GLYR1: variants seen among roughly 807,000 people sequenced by gnomAD.
The protein encoded by GLYR1 is glyoxylate reductase 1 homolog, also known as cytokine-like nuclear factor N-PAC.
GLYR1 carries 21 observed loss-of-function variants against 72.7 expected under a neutral mutation model. That is an observed-to-expected ratio of 0.29 (90% CI 0.20 to 0.42). The LOEUF is 0.42. Among genes scored for constraint, GLYR1 ranks in the 10% least tolerant of loss-of-function variants. The pLI is 1.00. For missense variants in GLYR1, 594 were observed against 712.1 expected, an observed-to-expected ratio of 0.83 and a Z score of 1.89; for synonymous variants, 392 against 270.2, an observed-to-expected ratio of 1.45 and a Z score of -4.42.
chr16:4,846,888 A>C, intron 1 of GLYR1: 2 of 362,470 alleles, frequency 5.5e-6, no homozygotes. Context: ...GCTTTCTGGG[A>C]AGCCCCAACA....
chr16:4,815,723 G>A (rs2083594797), intron 10 of GLYR1, among the ~76,000 whole-genome samples: 1 of 152,030 alleles, frequency 6.6e-6, no homozygotes, highest in Admixed American at 6.6e-5. Context: ...ACAAATAAGT[G>A]CCCATAAATA....
intron 3 of GLYR1, 58 bp from the exon 4 acceptor site, chr16:4,832,970 C>T: frequency 6.7e-7 from 1 of 1,482,458 alleles, no homozygotes; most frequent in Non-Finnish European, 9.1e-7. Flanking sequence ...CCTAAAGTAT[C>T]AACAACCTCA....
chr16:4,833,112 A>G, intron 3 of GLYR1, 200 bp from the exon 4 acceptor site: 2 of 441,892 alleles, frequency 4.5e-6, no homozygotes, highest in South Asian at 1.0e-4. Context: ...CAAGTCAAGC[A>G]GAACAACCAT....
rs760825256 is a variant in GLYR1 at position 4,817,645 on chromosome 16, G to T, written c.859C>A (p.Leu287Ile). 1.2e-6 allele frequency: 2 copies of T among 1,613,600 alleles called. No homozygotes were observed. The change falls in exon 10 of 16, where the codon CTA becomes ATA. Residue 287 changes from leucine (L) to isoleucine (I), a missense_variant. Transcript: ENST00000321919. Reference sequence around the variant, plus strand: ...ACAGTCACTGTGTGACCCATTTTTAGCAAGTTGGAGACGATTCCACTTCCC... The same window carrying T: ...ACAGTCACTGTGTGACCCATTTTTATCAAGTTGGAGACGATTCCACTTCCC... Reference protein sequence around the residue: ...LMGSGIVSNLLKMGHTVTVWN... With the variant: ...LMGSGIVSNLIKMGHTVTVWN...
chr16:4,831,512 G>A (rs1224537716), intron 5 of GLYR1, among the ~76,000 whole-genome samples: 1 of 152,184 alleles, frequency 6.6e-6, no homozygotes, highest in Non-Finnish European at 1.5e-5. Flanking sequence ...CACACGGGCT[G>A]TGCCCTCCAT....
intron 9 of GLYR1, among the ~76,000 whole-genome samples, chr16:4,818,936 C>T (rs1173497749): frequency 6.6e-6 from 1 of 152,170 alleles, no homozygotes. Context: ...TGGCCAGTCT[C>T]CTCCACACAC....
Position 4,809,926 on chromosome 16 carries a change from AAAAAAACAAAAAAAC to A in GLYR1, c.1587+1229_1587+1243del, listed in dbSNP as rs374436353. On this transcript the variant is annotated intron_variant, in intron 15 of 15. Transcript: ENST00000321919. ...GCGAAAGAGCAAAACTCTGTCTCCA[AAAAAAACAAAAAAAC>A]AAAAAACAAAAAAACAAAAAAAACC... Among the ~76,000 whole-genome samples the A allele has an allele frequency of 9.3e-3, 1,419 of 152,140 alleles. 22 individuals carry two copies. Among genetic ancestry groups the A allele is most frequent in the African/African-American group, 0.032 (1,319 of 41,482 alleles).
In GLYR1 at chr16:4,812,221, G is replaced by A; in HGVS notation, c.1147C>T (p.Leu383=). 1.2e-6 allele frequency: 2 copies of A among 1,613,862 alleles called. No individual in the cohort carries two copies. The highest frequency in any genetic ancestry group is 1.7e-6 in the Non-Finnish European group (2 of 1,180,004). The part of the protein sequence containing the change: ...QVIVSRGGRF[L]EAPVSGNQQL... Reference sequence around the variant, plus strand: ...TGATTCCCTGAGACGGGGGCTTCCAGAAAGCGCCCCCCCCTGGACACAATC... The same window carrying A: ...TGATTCCCTGAGACGGGGGCTTCCAAAAAGCGCCCCCCCCTGGACACAATC... The change falls in exon 13 of 16, where the codon CTG becomes TTG. Residue 383 remains leucine, a synonymous_variant. Coordinates refer to ENST00000321919, the MANE Select transcript of GLYR1 (RefSeq NM_032569.4).
intron 3 of GLYR1, chr16:4,843,664 T>C: frequency 7.8e-7 from 1 of 1,279,792 alleles, no homozygotes; most frequent in South Asian, 1.2e-5. Flanking sequence ...TGAAGAATAC[T>C]GTTTATAATA....
At chr16:4,815,504 T>A (rs2083579872) in intron 10 of GLYR1, among the ~76,000 whole-genome samples, 1 of 152,226 alleles carries the variant, frequency 6.6e-6, no homozygotes, top group South Asian at 2.1e-4. Context: ...CACTTTCAAT[T>A]GTAAAATCAC....
At chr16:4,816,611 G>C (rs187056065) in intron 10 of GLYR1, among the ~76,000 whole-genome samples, 2 of 152,106 alleles carry the variant, frequency 1.3e-5, no homozygotes, top group East Asian at 1.9e-4. Context: ...AAAATCAACT[G>C]ATCTTCTTGT....
chr16:4,820,454 T>C (rs1005818736), intron 9 of GLYR1, among the ~76,000 whole-genome samples: 3 of 152,192 alleles, frequency 2.0e-5, no homozygotes, highest in East Asian at 1.9e-4. Context: ...AATAAATGTG[T>C]TGGGTAAAAA....
rs375805477 is a variant in GLYR1, at chr16:4,813,848, C to T, written c.1018-10G>A. 2.3e-4 allele frequency: 367 copies of T among 1,602,724 alleles called. 1 individual carries two copies. The highest frequency in any genetic ancestry group is 3.1e-4 in the Non-Finnish European group (361 of 1,173,082). ...TGGGGCCCAGCACCAGCTGTGGGGA[C>T]ACAAGGGAGAAGCAATAGCCCAGGC... On this transcript the variant is annotated splice_polypyrimidine_tract_variant and intron_variant, in intron 11 of 15. Coordinates refer to ENST00000321919, the MANE Select transcript of GLYR1 (RefSeq NM_032569.4).
chr16:4,806,728 G>C (rs1449591992), intron 15 of GLYR1, among the ~76,000 whole-genome samples: 4 of 151,672 alleles, frequency 2.6e-5, no homozygotes, highest in Non-Finnish European at 4.4e-5. Flanking sequence ...ACCGCAATCT[G>C]TAGAGTAACC....
At chr16:4,830,002 C>T (rs2084684289) in intron 5 of GLYR1, among the ~76,000 whole-genome samples, 1 of 151,806 alleles carries the variant, frequency 6.6e-6, no homozygotes, top group Non-Finnish European at 1.5e-5. Context: ...TGGGGTTTCC[C>T]TATGTTGCCC....
At chr16:4,846,906 G>A (rs1400103550) in intron 1 of GLYR1, 1 of 414,092 alleles carries the variant, frequency 2.4e-6, no homozygotes, top group Non-Finnish European at 4.3e-6. Flanking sequence ...ACAAGACCCC[G>A]GGGACCGGTC....
chr16:4,838,591 C>CTT (rs745571978), intron 3 of GLYR1, among the ~76,000 whole-genome samples: 2 of 144,438 alleles, frequency 1.4e-5, no homozygotes, highest in Non-Finnish European at 3.1e-5. Flanking sequence ...TGAAACTTTT[C>CTT]TTTTTTTTTT....
chr16:4,837,052 G>A (rs182783109), intron 3 of GLYR1, among the ~76,000 whole-genome samples: 9 of 152,248 alleles, frequency 5.9e-5, no homozygotes, highest in Admixed American at 4.6e-4. Context: ...CGCCACTAAG[G>A]CACTCTCAGA....
intron 4 of GLYR1, 92 bp from the exon 5 acceptor site, chr16:4,832,313 A>G: frequency 6.7e-7 from 1 of 1,489,434 alleles, no homozygotes; most frequent in Non-Finnish European, 9.2e-7. Flanking sequence ...TGCTACAGGC[A>G]CTCTGTGTGG....
Sources: gnomAD v4.1 joint callset for allele counts (sites outside exome capture counted in the v4.1 genomes callset) on GRCh38, gnomAD v4.1.1 for gene constraint, MANE v1.5 for transcripts, NCBI Gene and HGNC (gene_info 2026-07-23, HGNC 2026-07-21) for gene names.